Variants in RAB5A observed in about 807,000 individuals in gnomAD.
RAB5A encodes the protein ras-related protein Rab-5A.
A neutral mutation model predicts 25.7 loss-of-function variants in RAB5A; 8 were observed. The observed-to-expected ratio is 0.31, with a 90% CI of 0.18 to 0.56. The LOEUF is 0.56. Among genes scored for constraint, RAB5A ranks in the 20% least tolerant of loss-of-function variants. The pLI, the probability that RAB5A is intolerant of heterozygous loss-of-function variation, is 0.91. For missense variants in RAB5A, 192 were observed against 259.7 expected, an observed-to-expected ratio of 0.74 and a Z score of 1.79; for synonymous variants, 98 against 89.8, an observed-to-expected ratio of 1.09 and a Z score of -0.52.
rs150899010 is a variant in RAB5A, at chr3:19,970,481, A to G, written c.164-5120A>G. The G allele has an allele frequency of 1.8e-5, 8 of 451,852 alleles. No individual in the cohort carries two copies. In the East Asian group the frequency reaches 5.6e-4, roughly 32 times the overall value. The allele number at this position is 451,852 out of a possible 1,614,324, so 28.0% of individuals were successfully genotyped here. On this transcript the variant is annotated intron_variant, in intron 2 of 5. Transcript: ENST00000273047. The stretch of plus-strand genomic sequence containing the variant: ...TGATCACGTAGCTCAGAGGGAGCCT[A>G]TCAGACAGGCCAGCACCCACATCTC...
intron 3 of RAB5A, 24 bp from the exon 4 acceptor site, chr3:19,976,023 A>G (rs368906470): frequency 1.7e-5 from 27 of 1,602,260 alleles, no homozygotes; most frequent in East Asian, 2.2e-5. Flanking sequence ...GCCTGTGCTC[A>G]ATGGCTGTTT....
At position 19,950,827 on chromosome 3, in the gene RAB5A, A is replaced by C; in HGVS notation, c.-72A>C. ...ACAGGTTTCTTTACCTCCAGAAAGAAGAATATTGGCCCCTTGAATTCTGGA... is the reference window on the plus strand; with the variant it reads ...ACAGGTTTCTTTACCTCCAGAAAGACGAATATTGGCCCCTTGAATTCTGGA... On this transcript the variant is annotated 5_prime_UTR_variant, in exon 2 of 6. Transcript: ENST00000273047. 1 of 1,457,238 alleles carries C rather than the reference A, an allele frequency of 6.9e-7. No homozygotes were observed. Among genetic ancestry groups the C allele is most frequent in the Non-Finnish European group, 9.2e-7 (1 of 1,081,422 alleles). 90.3% of individuals were successfully genotyped at this position (1,457,238 alleles called of 1,614,324 possible). A position where few individuals can be genotyped will look rare whatever the true frequency, so the allele number is the denominator to read the frequency against.
In RAB5A at chr3:19,968,853, T is replaced by C. The variant is rs557919574; in HGVS notation, c.164-6748T>C. Among the ~76,000 whole-genome samples the C allele has an allele frequency of 4.5e-4, 68 of 152,322 alleles. No individual in the cohort carries two copies. The South Asian group carries it at 6.8e-3, about 15-fold the overall frequency. On this transcript the variant is annotated intron_variant, in intron 2 of 5. Transcript: ENST00000273047. ...TTTAAATTCTTTGAGCATAAAAGTTTGTTCTACCTACTCTCCTGCCCTCAC... is the reference window on the plus strand; with the variant it reads ...TTTAAATTCTTTGAGCATAAAAGTTCGTTCTACCTACTCTCCTGCCCTCAC...
chr3:19,973,695 A>C (rs1214788192), intron 2 of RAB5A, among the ~76,000 whole-genome samples: 2 of 152,194 alleles, frequency 1.3e-5, no homozygotes, highest in Non-Finnish European at 2.9e-5. Context: ...ATGAGAATTC[A>C]TAAAACTATT....
At chr3:19,971,213 A>AAAAAAC (rs1553639430) in intron 2 of RAB5A, among the ~76,000 whole-genome samples, 1 of 146,260 alleles carries the variant, frequency 6.8e-6, no homozygotes, top group African/African-American at 2.5e-5. Flanking sequence ...AAAAAAAAAA[A>AAAAAAC]AACACTATAG....
chr3:19,979,347 G>A (rs577967821), intron 5 of RAB5A, among the ~76,000 whole-genome samples: 3 of 149,254 alleles, frequency 2.0e-5, no homozygotes, highest in East Asian at 2.0e-4. Context: ...GCAGTGGGAC[G>A]ATCTCGGCTC....
At chr3:19,971,149 A>G (rs1331803303) in intron 2 of RAB5A, among the ~76,000 whole-genome samples, 11 of 146,602 alleles carry the variant, frequency 7.5e-5, no homozygotes, top group Admixed American at 6.9e-5. Context: ...GTGAGCCGAG[A>G]TCGCGCCATT....
intron 2 of RAB5A, among the ~76,000 whole-genome samples, chr3:19,965,723 T>C (rs1696651687): frequency 6.6e-6 from 1 of 152,152 alleles, no homozygotes. Flanking sequence ...CATAGATTTT[T>C]ATATTTGTTT....
In RAB5A at chr3:19,950,914, G is replaced by A. The variant is rs144198452; in HGVS notation, c.16G>A (p.Ala6Thr). The change falls in exon 2 of 6, where the codon GCA becomes ACA. Residue 6 changes from alanine (A) to threonine (T), a missense_variant. Physicochemically the swap from Ala to Thr is moderately conservative, Grantham distance 58 (BLOSUM62 0). This residue lies in a region of RAB5A where 32 missense variants were observed against 32.4 expected (regional missense o/e 0.99). Coordinates refer to ENST00000273047, the MANE Select transcript of RAB5A (RefSeq NM_004162.5). ...AAATTTGGACATGGCTAGTCGAGGC[G>A]CAACAAGACCCAACGGGCCAAATAC... Reference protein sequence around the residue: MASRGATRPNGPNTGN... With the variant: MASRGTTRPNGPNTGN... 1.7e-4 allele frequency: 274 copies of A among 1,611,138 alleles called. No individual in the cohort carries two copies. Among genetic ancestry groups the A allele is most frequent in the Non-Finnish European group, 2.2e-4 (255 of 1,178,658 alleles).
Position 19,978,301 on chromosome 3 carries a change from T to G in RAB5A, c.439-9T>G, listed in dbSNP as rs1222356147. ...ATCTCATATATCTCATTTTTTGTTC[T>G]GTAAACAGGAAGCACAGTCCTATGC... On this transcript the variant is annotated splice_polypyrimidine_tract_variant and intron_variant, in intron 4 of 5. Coordinates refer to ENST00000273047, the MANE Select transcript of RAB5A (RefSeq NM_004162.5). The G allele has an allele frequency of 3.8e-6, 6 of 1,587,718 alleles. No homozygotes were observed.
At chr3:19,971,565 G>C (rs1040678401) in intron 2 of RAB5A, among the ~76,000 whole-genome samples, 1 of 152,136 alleles carries the variant, frequency 6.6e-6, no homozygotes, top group African/African-American at 2.4e-5. Flanking sequence ...TCTGCCTCCC[G>C]AGTTCAAGTG....
intron 4 of RAB5A, among the ~76,000 whole-genome samples, chr3:19,978,052 A>G (rs1046791646): frequency 6.6e-6 from 1 of 152,238 alleles, no homozygotes; most frequent in Non-Finnish European, 1.5e-5. Flanking sequence ...TTGAAAGCAG[A>G]TTTAATGTAA....
chr3:19,968,815 A>G (rs62241295), intron 2 of RAB5A, among the ~76,000 whole-genome samples: 24,984 of 152,054 alleles, frequency 0.16, 2,701 homozygotes, highest in Non-Finnish European at 0.24. Flanking sequence ...GTTGTTTTTA[A>G]TTATTAAATA....
chr3:19,952,056 A>G (rs1468896652), intron 2 of RAB5A, among the ~76,000 whole-genome samples: 2 of 152,126 alleles, frequency 1.3e-5, no homozygotes, highest in Non-Finnish European at 2.9e-5. Context: ...GAAATGGGAA[A>G]ATTGAATTTT....
chr3:19,951,292 A>T, intron 2 of RAB5A: 4 of 405,050 alleles, frequency 9.9e-6, no homozygotes, highest in Non-Finnish European at 1.8e-5. Context: ...TAAAATACAG[A>T]TAAAAAACAT....
intron 2 of RAB5A, among the ~76,000 whole-genome samples, chr3:19,972,837 CTT>C (rs1212911039): frequency 6.6e-6 from 1 of 152,098 alleles, no homozygotes; most frequent in Non-Finnish European, 1.5e-5. Context: ...CCTCTTGTGT[CTT>C]TAACTGGCTT....
intron 1 of RAB5A, among the ~76,000 whole-genome samples, chr3:19,948,355 C>G (rs556909455): frequency 9.8e-5 from 15 of 152,332 alleles, no homozygotes; most frequent in Admixed American, 3.9e-4. Flanking sequence ...ATACTCAAGA[C>G]TGCTCATAAA....
chr3:19,974,722 G>GAAAAAAAAGA (rs151258629), intron 2 of RAB5A, among the ~76,000 whole-genome samples: 3 of 141,912 alleles, frequency 2.1e-5, no homozygotes, highest in Non-Finnish European at 4.6e-5. Flanking sequence ...CTGTGTCTCA[G>GAAAAAAAAGA]AAAAAGAAAA....
rs1696412718 is a variant in RAB5A at position 19,950,908 on chromosome 3, C to T, written c.10C>T (p.Arg4Ter). 6.2e-7 allele frequency: 1 copy of T among 1,609,846 alleles called. No individual in the cohort carries two copies. The part of the protein sequence containing the change: MAS[R>*]GATRPNGPNT... Reference sequence around the variant, plus strand: ...TATTTCAAATTTGGACATGGCTAGTCGAGGCGCAACAAGACCCAACGGGCC... The same window carrying T: ...TATTTCAAATTTGGACATGGCTAGTTGAGGCGCAACAAGACCCAACGGGCC... Residue 4 changes from arginine (R) to a stop codon, truncating the protein, a stop_gained, in exon 2 of 6, where the codon CGA (arginine) becomes TGA (stop). Transcript: ENST00000273047. LOFTEE classifies it high-confidence loss of function.
Sources: allele counts gnomAD v4.1 joint callset (sites outside exome capture counted in the v4.1 genomes callset), GRCh38; gene constraint gnomAD v4.1.1; regional missense constraint gnomAD v4.1.1; transcripts MANE v1.5; gene names NCBI Gene and HGNC (gene_info 2026-07-23, HGNC 2026-07-21).